SMYD3: variants seen among roughly 807,000 people sequenced by gnomAD.
SMYD3 encodes the protein SET and MYND domain containing 3.
In SMYD3, 36 loss-of-function variants were observed where a neutral mutation model predicts 57.7. The observed-to-expected ratio is 0.62, with a 90% CI of 0.48 to 0.82. The LOEUF (loss-of-function observed/expected upper bound fraction) is 0.82. Ranked by LOEUF, SMYD3 falls within the 40% of genes least tolerant of loss-of-function variation. The pLI is 0.00. For missense variants in SMYD3, 515 were observed against 538.8 expected (o/e 0.96, Z 0.44); for synonymous variants, 211 against 195.0 (o/e 1.08, Z -0.68).
At chr1:245,893,708 G>T (rs148240956) in intron 8 of SMYD3, among the ~76,000 whole-genome samples, 2 of 151,982 alleles carry the variant, frequency 1.3e-5, no homozygotes, top group African/African-American at 4.8e-5. Context: ...TGGATACAAC[G>T]CAGTACGAAG....
chr1:246,299,719 G>C (rs985529038), intron 5 of SMYD3, among the ~76,000 whole-genome samples: 2 of 152,054 alleles, frequency 1.3e-5, no homozygotes, highest in Non-Finnish European at 2.9e-5. Flanking sequence ...ATTATCCTTA[G>C]TAAACTAACA....
intron 10 of SMYD3, among the ~76,000 whole-genome samples, chr1:245,817,490 C>T (rs1228064629): frequency 7.2e-5 from 11 of 152,036 alleles, no homozygotes; most frequent in East Asian, 1.9e-4. Flanking sequence ...AGCAGAGCAC[C>T]TCTCCTCCTC....
chr1:246,169,138 A>G lies in SMYD3; in HGVS notation c.531+158063T>C, dbSNP rs529585974. On this transcript the variant is annotated intron_variant, in intron 5 of 11. Transcript: ENST00000490107. ...CCGTCCCTACATCCCTCCCACCTAC[A>G]CCAAATTTAAACCTTGACAGACTAA... Among the ~76,000 whole-genome samples, 14 of 152,086 alleles carry G rather than the reference A, an allele frequency of 9.2e-5. No individual in the cohort carries two copies. The South Asian group carries it at 2.9e-3, about 32-fold the overall frequency.
intron 5 of SMYD3, among the ~76,000 whole-genome samples, chr1:246,216,685 G>T (rs1248658968): frequency 6.6e-6 from 1 of 151,930 alleles, no homozygotes; most frequent in Non-Finnish European, 1.5e-5. Flanking sequence ...AAAAATAAAG[G>T]CATAAAAGAA....
At chr1:246,337,412 G>T (rs969739311) in intron 2 of SMYD3, among the ~76,000 whole-genome samples, 12 of 151,926 alleles carry the variant, frequency 7.9e-5, no homozygotes, top group Admixed American at 3.3e-4. Context: ...TTTTCACCTG[G>T]TCTTTGTATG....
At chr1:246,474,910 G>A (rs2068008105) in intron 1 of SMYD3, among the ~76,000 whole-genome samples, 1 of 152,194 alleles carries the variant, frequency 6.6e-6, no homozygotes, top group Non-Finnish European at 1.5e-5. Context: ...TAAGAACTAA[G>A]AAAATTGGTC....
intron 1 of SMYD3, among the ~76,000 whole-genome samples, chr1:246,447,026 C>T (rs1197683267): frequency 1.7e-5 from 2 of 119,362 alleles, no homozygotes; most frequent in East Asian, 2.1e-4. Context: ...CAGACTCCGT[C>T]TCCAAAAAAA....
rs558397730 is a variant in SMYD3, at chr1:246,217,931, T to C, written c.531+109270A>G. On this transcript the variant is annotated intron_variant, in intron 5 of 11. Transcript: ENST00000490107. ...CCCAACAATTCCATTACAAGTTATA[T>C]ATCCAAGAAAAACTCCTGTACATGT... 6.6e-5 allele frequency among the ~76,000 whole-genome samples: 10 copies of C among 152,250 alleles called. 1 individual carries two copies. In the South Asian group the frequency reaches 2.1e-3, roughly 32 times the overall value.
chr1:246,053,024 A>C (rs6692457), intron 5 of SMYD3: 58,284 of 152,198 alleles, frequency 0.38, 14,091 homozygotes, highest in African/African-American at 0.66. Context: ...ATCGCTTGAT[A>C]CCAGGAGTTG....
intron 5 of SMYD3, among the ~76,000 whole-genome samples, chr1:246,280,820 C>T (rs1309349449): frequency 6.6e-6 from 1 of 152,200 alleles, no homozygotes; most frequent in African/African-American, 2.4e-5. Flanking sequence ...CAAGAGCTAA[C>T]TGCATTCTAT....
chr1:246,291,048 T>A (rs995768278), intron 5 of SMYD3, among the ~76,000 whole-genome samples: 15 of 150,628 alleles, frequency 1.0e-4, no homozygotes. Flanking sequence ...AAAAAAAAAA[T>A]ACATAGGTTA....
At chr1:245,795,077 C>G (rs1262136881) in intron 10 of SMYD3, among the ~76,000 whole-genome samples, 1 of 152,170 alleles carries the variant, frequency 6.6e-6, no homozygotes, top group Non-Finnish European at 1.5e-5. Flanking sequence ...CCATCTGTCT[C>G]TGTCCCTGTC....
intron 1 of SMYD3, among the ~76,000 whole-genome samples, chr1:246,375,412 C>G (rs1045136795): frequency 2.3e-5 from 3 of 130,656 alleles, no homozygotes; most frequent in African/African-American, 8.5e-5. Flanking sequence ...TGCCACCACT[C>G]TGTTACATCA....
chr1:246,503,523 G>A (rs2068488870), intron 1 of SMYD3, among the ~76,000 whole-genome samples: 1 of 152,172 alleles, frequency 6.6e-6, no homozygotes, highest in Non-Finnish European at 1.5e-5. Context: ...GAGTGAGAAG[G>A]TTTACAAATA....
At chr1:246,108,722 G>GACAAC (rs1341772860) in intron 5 of SMYD3, 1 of 152,208 alleles carries the variant, frequency 6.6e-6, no homozygotes, top group Non-Finnish European at 1.5e-5. Flanking sequence ...ATAAAGGTCA[G>GACAAC]ACAACTTAGT....
chr1:246,164,440 GATAA>G (rs770081255), intron 5 of SMYD3, among the ~76,000 whole-genome samples: 5 of 151,928 alleles, frequency 3.3e-5, no homozygotes, highest in Non-Finnish European at 5.9e-5. Context: ...TAAATAAATA[GATAA>G]ATAAATAAAT....
intron 10 of SMYD3, among the ~76,000 whole-genome samples, chr1:245,781,080 G>A (rs1269529361): frequency 1.3e-5 from 2 of 152,308 alleles, no homozygotes; most frequent in Non-Finnish European, 2.9e-5. Flanking sequence ...GTGGTTACCT[G>A]GAGCTGGGTA....
chr1:246,322,779 T>C (rs2065270926), intron 5 of SMYD3, among the ~76,000 whole-genome samples: 2 of 152,188 alleles, frequency 1.3e-5, no homozygotes, highest in Non-Finnish European at 2.9e-5. Flanking sequence ...AGCCTCTCCA[T>C]CCAACAGATT....
intron 3 of SMYD3, among the ~76,000 whole-genome samples, chr1:246,333,260 A>T (rs1027724640): frequency 1.3e-5 from 2 of 152,206 alleles, no homozygotes; most frequent in Non-Finnish European, 2.9e-5. Flanking sequence ...CAGTAGAGGA[A>T]GTAAGTGTAG....
Sources: allele counts gnomAD v4.1 joint callset (sites outside exome capture counted in the v4.1 genomes callset), GRCh38; gene constraint gnomAD v4.1.1; transcripts MANE v1.5; gene names NCBI Gene and HGNC (gene_info 2026-07-23, HGNC 2026-07-21).